Variants in MAF observed in about 807,000 individuals in gnomAD.
MAF encodes the protein MAF bZIP transcription factor.
In MAF, 10 loss-of-function variants were observed where a neutral mutation model predicts 22.0. The ratio of observed to expected loss-of-function variants is 0.45; its 90% CI spans 0.28 to 0.77. MAF has a LOEUF of 0.77. Ranked by LOEUF, MAF falls within the 30% of genes least tolerant of loss-of-function variation. The probability of loss-of-function intolerance (pLI) is 0.12; values close to 1 mark genes in which losing one functional copy is unlikely to be tolerated. For missense variants in MAF, 544 were observed against 548.4 expected (o/e 0.99, Z 0.08); for synonymous variants, 337 against 255.8 (o/e 1.32, Z -3.03).
the MAF span, among the ~76,000 whole-genome samples, chr16:79,573,054 G>A: frequency 1.3e-5 from 2 of 152,154 alleles, no homozygotes; most frequent in Non-Finnish European, 2.9e-5. Flanking sequence ...AATGTTATTG[G>A]CCATTCATGT....
the MAF span, among the ~76,000 whole-genome samples, chr16:79,519,027 A>G: frequency 6.6e-6 from 1 of 152,244 alleles, no homozygotes; most frequent in African/African-American, 2.4e-5. Context: ...TGGAAGAGCC[A>G]TGCATCTATC....
At chr16:79,309,062 C>T in the MAF span, among the ~76,000 whole-genome samples, 8 of 152,116 alleles carry the variant, frequency 5.3e-5, no homozygotes, top group African/African-American at 1.9e-4. Flanking sequence ...TAATCTGGCC[C>T]TGGGCGCAGA....
chr16:79,531,037 C>G, the MAF span, among the ~76,000 whole-genome samples: 2 of 152,192 alleles, frequency 1.3e-5, no homozygotes, highest in Non-Finnish European at 2.9e-5. Context: ...TCCCCAAGCT[C>G]TAATTTCCTA....
chr16:79,269,605 T>C, the MAF span, among the ~76,000 whole-genome samples: 1 of 152,140 alleles, frequency 6.6e-6, no homozygotes, highest in Non-Finnish European at 1.5e-5. Flanking sequence ...GTGAAGAATA[T>C]GGCTGATCTG....
At chr16:79,226,129 C>T in the MAF span, among the ~76,000 whole-genome samples, 3 of 152,242 alleles carry the variant, frequency 2.0e-5, no homozygotes, top group East Asian at 1.9e-4. Flanking sequence ...GGAACCAACC[C>T]AAATGCCCAT....
chr16:79,555,576 C>T, the MAF span, among the ~76,000 whole-genome samples: 2 of 152,122 alleles, frequency 1.3e-5, no homozygotes, highest in Non-Finnish European at 2.9e-5. Flanking sequence ...TAATACAGGT[C>T]GGGTATCCCT....
chr16:79,215,321 A>G, the MAF span, among the ~76,000 whole-genome samples: 1 of 151,916 alleles, frequency 6.6e-6, no homozygotes, highest in Admixed American at 6.6e-5. Flanking sequence ...GCCTTAAGCA[A>G]TCCTCCCATT....
chr16:79,390,673 A>C, the MAF span, among the ~76,000 whole-genome samples: 30 of 152,266 alleles, frequency 2.0e-4, no homozygotes, highest in African/African-American at 7.0e-4. Context: ...CTTGCCATGG[A>C]GCTGCCAGGG....
At chr16:79,506,332 G>A in the MAF span, among the ~76,000 whole-genome samples, 2 of 152,130 alleles carry the variant, frequency 1.3e-5, no homozygotes, top group African/African-American at 4.8e-5. Context: ...GGGTTCCTTT[G>A]CCCATGATTT....
At chr16:79,500,137 G>A in the MAF span, among the ~76,000 whole-genome samples, 1 of 152,208 alleles carries the variant, frequency 6.6e-6, no homozygotes, top group South Asian at 2.1e-4. Flanking sequence ...GTTTCAGACG[G>A]TCTGGCCTCC....
At chr16:79,265,340 T>A in the MAF span, among the ~76,000 whole-genome samples, 1 of 152,154 alleles carries the variant, frequency 6.6e-6, no homozygotes, top group African/African-American at 2.4e-5. Flanking sequence ...TCTTAGTGTT[T>A]TCACTTGAGT....
the MAF span, among the ~76,000 whole-genome samples, chr16:79,383,049 G>A: frequency 6.6e-6 from 1 of 152,022 alleles, no homozygotes; most frequent in Non-Finnish European, 1.5e-5. Flanking sequence ...TATAAATAGG[G>A]GCAAAAGAAT....
At chr16:79,542,155 G>A in the MAF span, among the ~76,000 whole-genome samples, 1 of 152,204 alleles carries the variant, frequency 6.6e-6, no homozygotes, top group Non-Finnish European at 1.5e-5. Context: ...TCCTTGCTGG[G>A]ACACGGGGCT....
chr16:79,569,757 G>C, the MAF span, among the ~76,000 whole-genome samples: 5 of 152,202 alleles, frequency 3.3e-5, no homozygotes, highest in South Asian at 2.1e-4. Context: ...CTGGGGAATA[G>C]GCATTTGTAT....
At chr16:79,589,083 G>C (rs1007100517), downstream of MAF, among the ~76,000 whole-genome samples, 3 of 152,102 alleles carry the variant, frequency 2.0e-5, no homozygotes, top group African/African-American at 4.8e-5. Context: ...AAGAGAGAGG[G>C]AGAGAGTAAA....
the MAF span, among the ~76,000 whole-genome samples, chr16:79,542,364 A>T: frequency 6.6e-6 from 1 of 152,140 alleles, no homozygotes; most frequent in Admixed American, 6.5e-5. Flanking sequence ...TTTTTGGACC[A>T]TGCCACGTGG....
chr16:79,365,126 T>A, the MAF span, among the ~76,000 whole-genome samples: 1 of 152,216 alleles, frequency 6.6e-6, no homozygotes, highest in Admixed American at 6.5e-5. Context: ...GGTTTACTAG[T>A]ATAGGAGCCC....
At chr16:79,390,194 G>A in the MAF span, among the ~76,000 whole-genome samples, 1 of 151,838 alleles carries the variant, frequency 6.6e-6, no homozygotes, top group Non-Finnish European at 1.5e-5. Flanking sequence ...GAATCTGAAC[G>A]ACTCTCCTTG....
At chr16:79,569,386 C>G in the MAF span, among the ~76,000 whole-genome samples, 1 of 152,180 alleles carries the variant, frequency 6.6e-6, no homozygotes, top group Non-Finnish European at 1.5e-5. Context: ...GTGAGTTTCT[C>G]TGGATGGCAG....
Sources: gnomAD v4.1 joint callset for allele counts (sites outside exome capture counted in the v4.1 genomes callset) on GRCh38, gnomAD v4.1.1 for gene constraint, MANE v1.5 for transcripts, NCBI Gene and HGNC (gene_info 2026-07-23, HGNC 2026-07-21) for gene names.